CABLES2: variants seen among roughly 807,000 people sequenced by gnomAD.
CABLES2 encodes Cdk5 and Abl enzyme substrate 2.
A neutral mutation model predicts 44.8 loss-of-function variants in CABLES2; 35 were observed. The ratio of observed to expected loss-of-function variants is 0.78; its 90% confidence interval spans 0.60 to 1.04. The LOEUF (loss-of-function observed/expected upper bound fraction) is 1.04, where lower values mean the gene tolerates loss of function less well. Among genes scored for constraint, CABLES2 ranks in the 50% least tolerant of loss-of-function variants. The pLI is 0.00. For synonymous variants in CABLES2, 282 were observed against 281.1 expected (o/e 1.00, Z -0.03); for missense variants, 566 against 615.7 (o/e 0.92, Z 0.85).
intron 1 of CABLES2, among the ~76,000 whole-genome samples, chr20:62,406,226 G>C (rs1200868032): frequency 6.6e-6 from 1 of 152,088 alleles, no homozygotes. Flanking sequence ...GGGGCCTCTG[G>C]GAACAGGTGT....
chr20:62,407,245 C>A lies in CABLES2; in HGVS notation c.32G>T (p.Gly11Val). 6.5e-6 allele frequency: 5 copies of A among 763,412 alleles called. No homozygotes were observed. Among genetic ancestry groups the A allele is most frequent in the Non-Finnish European group, 7.9e-6 (5 of 630,746 alleles). The allele number at this position is 763,412 out of a possible 1,614,324, so 47.3% of individuals were successfully genotyped here. ...GGGCCCGGCGGGGCCGGGGGCCGGGCCCGGGGCTCCACCGGCCGCGGCCGC... is the reference window on the plus strand; with the variant it reads ...GGGCCCGGCGGGGCCGGGGGCCGGGACCGGGGCTCCACCGGCCGCGGCCGC... Reference protein sequence around the residue: MAAAAAGGAPGPAPGPAGPPP... With the variant: MAAAAAGGAPVPAPGPAGPPP... Residue 11 changes from glycine to valine, a missense_variant, in exon 1 of 10, where the codon GGC (glycine) becomes GTC (valine). This residue lies in a region of CABLES2 where 130 missense variants were observed against 79.4 expected (regional missense o/e 1.64). Coordinates refer to ENST00000279101, the MANE Select transcript of CABLES2 (RefSeq NM_031215.3).
chr20:62,401,882 A>G (rs1988195199), intron 1 of CABLES2, among the ~76,000 whole-genome samples: 1 of 152,134 alleles, frequency 6.6e-6, no homozygotes, highest in African/African-American at 2.4e-5. Context: ...CGTGCACCAG[A>G]CCCCTCCGTC....
chr20:62,396,050 T>C lies in CABLES2; in HGVS notation c.527+265A>G, dbSNP rs909338178. ...CAGTTTTCCTTCACGTCAGCACTGT[T>C]GCTGGAGGCTAGTGTCCACGTGTGA... On this transcript the variant is annotated intron_variant, in intron 3 of 9. Transcript: ENST00000279101. This position sits in a 1 kb window ranked among gnomAD's most constrained non-coding sequence, Gnocchi z 5.7. Among the ~76,000 whole-genome samples, 1 of 152,230 alleles carries C rather than the reference T, an allele frequency of 6.6e-6. No homozygotes were observed. The highest frequency in any genetic ancestry group is 2.4e-5 in the African/African-American group (1 of 41,468).
chr20:62,394,078 G>A (rs1157512122), intron 5 of CABLES2, 79 bp downstream of exon 5: 10 of 1,059,958 alleles, frequency 9.4e-6, no homozygotes, highest in African/African-American at 1.6e-5. Flanking sequence ...TGTGCCTCGT[G>A]GGCACTGACG....
In CABLES2 at chr20:62,397,993, T is replaced by C. The variant is rs1406049136; in HGVS notation, c.363-1401A>G. On this transcript the variant is annotated intron_variant, in intron 1 of 9. Transcript: ENST00000279101. ...GTGACAGTGGTGATGGCGGTGGTGG[T>C]GATGATGGTGATGGTTATGGCGGTG... Among the ~76,000 whole-genome samples, 174 of 87,402 alleles carry C rather than the reference T, an allele frequency of 2.0e-3. 4 individuals are homozygous for C. The highest frequency in any genetic ancestry group is 8.8e-3 in the African/African-American group (165 of 18,730). 57.3% of individuals were successfully genotyped at this position (87,402 alleles called of 152,430 possible).
At chr20:62,398,118 GTGGTGGT>G (rs1988093307) in intron 1 of CABLES2, among the ~76,000 whole-genome samples, 2 of 129,246 alleles carry the variant, frequency 1.5e-5, no homozygotes, top group African/African-American at 3.0e-5. Context: ...GGTGGTGGTG[GTGGTGGT>G]TATGACGGTG....
At chr20:62,394,813 T>G in intron 4 of CABLES2, 124 bp downstream of exon 4, 1 of 821,100 alleles carries the variant, frequency 1.2e-6, no homozygotes, top group Non-Finnish European at 1.9e-6. Flanking sequence ...GAGCCTCGCA[T>G]GAGCCCGGGG....
At chr20:62,398,020 T>TGATGGC (rs1601475736) in intron 1 of CABLES2, among the ~76,000 whole-genome samples, 1 of 128,024 alleles carries the variant, frequency 7.8e-6, no homozygotes, top group African/African-American at 3.4e-5. Flanking sequence ...ATGGCGGTGG[T>TGATGGC]GGTGGTGGTG....
intron 1 of CABLES2, among the ~76,000 whole-genome samples, chr20:62,406,657 A>T (rs1381585914): frequency 5.4e-5 from 2 of 37,346 alleles, no homozygotes; most frequent in African/African-American, 6.0e-4. Flanking sequence ...GCCCAGACTG[A>T]CCCTGACCCC....
intron 1 of CABLES2, chr20:62,403,674 T>A (rs1466152979): frequency 6.6e-6 from 1 of 152,264 alleles, no homozygotes; most frequent in African/African-American, 2.4e-5. Context: ...CAGCACCTGC[T>A]CAAACCCAGC....
At chr20:62,405,530 A>T (rs1470410745) in intron 1 of CABLES2, 1 of 152,312 alleles carries the variant, frequency 6.6e-6, no homozygotes, top group African/African-American at 2.4e-5. Context: ...GAACACTTCC[A>T]AGGATGGAGT....
chr20:62,391,152 C>G lies in CABLES2; in HGVS notation c.1297-41G>C, dbSNP rs377458043. On this transcript the variant is annotated intron_variant, in intron 9 of 9. Coordinates refer to ENST00000279101, the MANE Select transcript of CABLES2 (RefSeq NM_031215.3). This position sits in a 1 kb window ranked among gnomAD's most constrained non-coding sequence, Gnocchi z 5.7. ...GAGAAGGGTTACACGGGAGCCTTCC[C>G]TCTTCCACATTTCCCACCCGGCCAG... 248 of 1,607,972 alleles carry G rather than the reference C, an allele frequency of 1.5e-4. No homozygotes were observed. Among genetic ancestry groups the G allele is most frequent in the Non-Finnish European group, 2.6e-5 (31 of 1,175,024 alleles).
chr20:62,394,006 G>A, intron 5 of CABLES2, 151 bp downstream of exon 5: 2 of 674,604 alleles, frequency 3.0e-6, no homozygotes, highest in Non-Finnish European at 5.2e-6. Flanking sequence ...CGTTCTCAGG[G>A]CTGCACGGGC....
intron 4 of CABLES2, 126 bp from the exon 5 acceptor site, chr20:62,394,391 A>G: frequency 1.4e-6 from 1 of 714,078 alleles, no homozygotes; most frequent in Non-Finnish European, 2.4e-6. Context: ...TCGGGAAAGA[A>G]AGGCGGCACT....
At chr20:62,397,952 A>G (rs774477628) in intron 1 of CABLES2, among the ~76,000 whole-genome samples, 2,942 of 12,470 alleles carry the variant, frequency 0.24, 82 homozygotes, top group South Asian at 0.3. Flanking sequence ...TGGTGACGGT[A>G]GTGGTGGTGA....
At position 62,399,388 on chromosome 20, in the gene CABLES2, A is replaced by G. The variant is rs562098145; in HGVS notation, c.363-2796T>C. 1.2e-3 allele frequency among the ~76,000 whole-genome samples: 178 copies of G among 152,054 alleles called. 2 individuals are homozygous for G. Among genetic ancestry groups the G allele is most frequent in the African/African-American group, 4.1e-3 (169 of 41,462 alleles). On this transcript the variant is annotated intron_variant, in intron 1 of 9. Coordinates refer to ENST00000279101, the MANE Select transcript of CABLES2 (RefSeq NM_031215.3). ...CAGCCTCCTGAGTAGCTGGGACTAC[A>G]GGCGCCCGCCACCACGCTCAGCTAA...
rs765414889 is a variant in CABLES2 at position 62,391,400 on chromosome 20, G to A, written c.1145C>T (p.Thr382Met). 2.2e-5 allele frequency: 36 copies of A among 1,613,226 alleles called. No homozygotes were observed. In the South Asian group the frequency reaches 2.7e-4, roughly 12 times the overall value. ...AAAGTACACGTAGGCCATGGCCACC[G>A]TCACGGGCTCCAGGCTGCACTCCTC... ...LSEECSLEPV[T>M]VAMAYVYFEK... Residue 382 changes from threonine to methionine, a missense_variant, in exon 9 of 10, where the codon ACG becomes ATG. By Grantham distance (81) the Thr-to-Met change is moderately conservative (BLOSUM62 -1). Transcript: ENST00000279101. The surrounding 1 kb of genome is among the most constrained non-coding windows in gnomAD (Gnocchi z 5.7).
rs1987881229 is a variant in CABLES2 at position 62,389,942 on chromosome 20, T to C, written c.*1029A>G. ...TTTCCTGCCTCAGAAGAAAAGGCACTGACGCACTGACCCTTTGAGGTTGTG... is the reference window on the plus strand; with the variant it reads ...TTTCCTGCCTCAGAAGAAAAGGCACCGACGCACTGACCCTTTGAGGTTGTG... On this transcript the variant is annotated 3_prime_UTR_variant, in exon 10 of 10. Coordinates refer to ENST00000279101, the MANE Select transcript of CABLES2 (RefSeq NM_031215.3). The C allele has an allele frequency of 6.6e-6, 1 of 152,178 alleles. No homozygotes were observed. Among genetic ancestry groups the C allele is most frequent in the East Asian group, 1.9e-4 (1 of 5,192 alleles). The allele number at this position is 152,178 out of a possible 1,614,324, so 9.4% of individuals were successfully genotyped here.
At chr20:62,392,752 C>A (rs1196903322) in intron 7 of CABLES2, among the ~76,000 whole-genome samples, 168 bp downstream of exon 7, 2 of 152,314 alleles carry the variant, frequency 1.3e-5, no homozygotes, top group East Asian at 3.9e-4. Flanking sequence ...GAGTGGCCAG[C>A]ACTGCTCCCT....
Sources: gnomAD v4.1 joint callset for allele counts (sites outside exome capture counted in the v4.1 genomes callset) on GRCh38, gnomAD v4.1.1 for gene constraint, gnomAD v4.1.1 regional missense constraint, Gnocchi (gnomAD v3.1) non-coding constraint, MANE v1.5 for transcripts, NCBI Gene and HGNC (gene_info 2026-07-23, HGNC 2026-07-21) for gene names.